FBXO22: variants seen among roughly 807,000 people sequenced by gnomAD.
The protein encoded by FBXO22 is F-box protein 22.
FBXO22 carries 13 observed loss-of-function variants against 37.2 expected under a neutral mutation model. That is an observed-to-expected ratio of 0.35 (90% CI 0.23 to 0.56). The LOEUF is 0.56. Ranked by LOEUF, FBXO22 falls within the 20% of genes least tolerant of loss-of-function variation. The pLI, the probability that FBXO22 is intolerant of heterozygous loss-of-function variation, is 0.87. For missense variants in FBXO22, 446 were observed against 509.9 expected (o/e 0.87, Z 1.21); for synonymous variants, 189 against 189.1 (o/e 1.00, Z 0.00).
rs547792168 is a variant in FBXO22, at chr15:75,932,776, G to A, written c.886G>A (p.Val296Ile). ...QSATVLLNED[V>I]SDEKTAEAAM... ...TGCCACTGTGCTCCTCAACGAGGAC[G>A]TCAGTGATGAGAAGACTGCTGAGGC... Residue 296 changes from valine to isoleucine, a missense_variant, in exon 7 of 7, where the codon GTC (valine) becomes ATC (isoleucine). Val to Ile is a conservative substitution (Grantham distance 29). This residue lies in a region of FBXO22 where 315 missense variants were observed against 410.1 expected (regional missense o/e 0.77). Coordinates refer to ENST00000308275, the MANE Select transcript of FBXO22 (RefSeq NM_147188.3). 2.0e-5 allele frequency: 32 copies of A among 1,614,244 alleles called. No individual in the cohort carries two copies. Among genetic ancestry groups the A allele is most frequent in the Non-Finnish European group, 2.6e-5 (31 of 1,180,040 alleles).
Position 75,918,589 on chromosome 15 carries a change from G to A in FBXO22, c.628+1195G>A, listed in dbSNP as rs78022571. ...TTGCAGCACTGTTCACAATAGCTAG[G>A]ATATGGAATTAACCTAAGTGTCCAT... is the stretch of plus-strand genomic sequence containing the variant. On this transcript the variant is annotated intron_variant, in intron 5 of 6. Transcript: ENST00000308275. Among the ~76,000 whole-genome samples, 377 of 152,296 alleles carry A rather than the reference G, an allele frequency of 2.5e-3. 3 individuals are homozygous for A. The highest frequency in any genetic ancestry group is 8.7e-3 in the African/African-American group (361 of 41,560).
At position 75,934,501 on chromosome 15, in the gene FBXO22, A is replaced by C. The variant is rs1349658191; in HGVS notation, c.*1399A>C. 1.3e-5 allele frequency: 2 copies of C among 152,224 alleles called. No homozygotes were observed. The highest frequency in any genetic ancestry group is 2.9e-5 in the Non-Finnish European group (2 of 68,024). 9.4% of individuals were successfully genotyped at this position (152,224 alleles called of 1,614,324 possible). A position where few individuals can be genotyped will look rare whatever the true frequency, so the allele number is the denominator to read the frequency against. Reference sequence around the variant, plus strand: ...CAAGGTAAGTAAAACCAAATGTATTAGCATTATTCCTGCTTTTCCTTTTTT... The same window carrying C: ...CAAGGTAAGTAAAACCAAATGTATTCGCATTATTCCTGCTTTTCCTTTTTT... On this transcript the variant is annotated 3_prime_UTR_variant, in exon 7 of 7. Coordinates refer to ENST00000308275, the MANE Select transcript of FBXO22 (RefSeq NM_147188.3).
chr15:75,905,455 A>C (rs888327233), intron 2 of FBXO22: 1 of 152,264 alleles, frequency 6.6e-6, no homozygotes, highest in Non-Finnish European at 1.5e-5. Flanking sequence ...TTGACAGTAA[A>C]GTGCCAACCT....
intron 3 of FBXO22, among the ~76,000 whole-genome samples, 176 bp from the exon 4 acceptor site, chr15:75,913,934 A>G (rs1012732919): frequency 6.6e-6 from 1 of 152,232 alleles, no homozygotes; most frequent in African/African-American, 2.4e-5. Flanking sequence ...TATAATTTAA[A>G]AGCCAGGACC....
chr15:75,933,882 T>A lies in FBXO22; in HGVS notation c.*780T>A, dbSNP rs1224018486. 6.2e-6 allele frequency: 1 copy of A among 160,560 alleles called. No individual in the cohort carries two copies. Among genetic ancestry groups the A allele is most frequent in the Non-Finnish European group, 1.4e-5 (1 of 72,146 alleles). 9.9% of individuals were successfully genotyped at this position (160,560 alleles called of 1,614,324 possible). On this transcript the variant is annotated 3_prime_UTR_variant, in exon 7 of 7. Transcript: ENST00000308275. ...TGGATGAACAAAGGAAGTAAACTAA[T>A]CCTTTATAAATGAAAACCCAGAATA...
At chr15:75,928,522 A>C (rs2029886265) in intron 5 of FBXO22, among the ~76,000 whole-genome samples, 1 of 152,212 alleles carries the variant, frequency 6.6e-6, no homozygotes. Flanking sequence ...TATAAGTGGG[A>C]GCTAAATGAT....
At position 75,934,536 on chromosome 15, in the gene FBXO22, A is replaced by G. The variant is rs1595921339; in HGVS notation, c.*1434A>G. On this transcript the variant is annotated 3_prime_UTR_variant, in exon 7 of 7. Coordinates refer to ENST00000308275, the MANE Select transcript of FBXO22 (RefSeq NM_147188.3). ...CTGCTTTTCCTTTTTTGTCACTTTT[A>G]TCCTTTTTTTAAAACTGAAAATATT... The G allele has an allele frequency of 3.9e-5, 6 of 152,256 alleles. No individual in the cohort carries two copies. In the South Asian group the frequency reaches 1.2e-3, roughly 32 times the overall value. The allele number at this position is 152,256 out of a possible 1,614,324, so 9.4% of individuals were successfully genotyped here. A position where few individuals can be genotyped will look rare whatever the true frequency, so the allele number is the denominator to read the frequency against.
chr15:75,923,406 AT>A (rs1900371239), intron 5 of FBXO22, among the ~76,000 whole-genome samples: 1 of 152,198 alleles, frequency 6.6e-6, no homozygotes, highest in African/African-American at 2.4e-5. Flanking sequence ...TCTTCTGGAA[AT>A]TGAAGCTTTG....
At chr15:75,916,369 G>A (rs1002976374) in intron 4 of FBXO22, among the ~76,000 whole-genome samples, 1 of 152,190 alleles carries the variant, frequency 6.6e-6, no homozygotes, top group African/African-American at 2.4e-5. Flanking sequence ...CAAGATCGGG[G>A]ATGGTCTCTC....
Position 75,932,844 on chromosome 15 carries a change from C to T in FBXO22, c.954C>T (p.Asn318=), listed in dbSNP as rs570911962. Residue 318 remains asparagine (N), a synonymous_variant, in exon 7 of 7, where the codon AAC becomes AAT. Coordinates refer to ENST00000308275, the MANE Select transcript of FBXO22 (RefSeq NM_147188.3). ...RLKAANIPEH[N]TIGFMFACVG... is the part of the protein sequence containing the mutation. ...AAGCGGCCAACATTCCAGAGCATAA[C>T]ACCATTGGCTTCATGTTTGCATGCG... is the stretch of plus-strand genomic sequence containing the variant. 1.4e-5 allele frequency: 22 copies of T among 1,614,252 alleles called. 1 individual carries two copies. The South Asian group carries it at 1.6e-4, about 12-fold the overall frequency.
At position 75,935,645 on chromosome 15, in the gene FBXO22, AGTT is replaced by A. The variant is rs1402845262; in HGVS notation, c.*2544_*2546del. The A allele has an allele frequency of 1.3e-5, 2 of 150,922 alleles. No individual in the cohort carries two copies. Among genetic ancestry groups the A allele is most frequent in the Admixed American group, 1.3e-4 (2 of 15,064 alleles). The allele number at this position is 150,922 out of a possible 1,614,324, so 9.3% of individuals were successfully genotyped here. On this transcript the variant is annotated 3_prime_UTR_variant, in exon 7 of 7. Coordinates refer to ENST00000308275, the MANE Select transcript of FBXO22 (RefSeq NM_147188.3). ...AATCTAGTAGGCCAGTTCACATTAC[AGTT>A]ATCTCAGTTTTGCTTAAAGCAAACC...
chr15:75,929,849 G>C, intron 5 of FBXO22, 35 bp from the exon 6 acceptor site: 1 of 1,610,444 alleles, frequency 6.2e-7, no homozygotes, highest in Non-Finnish European at 8.5e-7. Flanking sequence ...CTGTTTTAAG[G>C]CTGTCTTTAA....
At chr15:75,912,581 T>A (rs1697875734) in intron 2 of FBXO22, among the ~76,000 whole-genome samples, 1 of 152,266 alleles carries the variant, frequency 6.6e-6, no homozygotes, top group Non-Finnish European at 1.5e-5. Context: ...TATTCTCTGA[T>A]GGTAGTCTGT....
rs982718928 is a variant in FBXO22, at chr15:75,904,056, G to A, written c.93G>A (p.Glu31=). Residue 31 remains glutamate (E), a synonymous_variant, in exon 1 of 7, where the codon GAG becomes GAA. Coordinates refer to ENST00000308275, the MANE Select transcript of FBXO22 (RefSeq NM_147188.3). ...TGAGTAACCTGGCGGAGGTGGTGGAGCGTGTGCTCACCTTCCTGCCCGCCA... is the reference window on the plus strand; with the variant it reads ...TGAGTAACCTGGCGGAGGTGGTGGAACGTGTGCTCACCTTCCTGCCCGCCA... ...FVLSNLAEVV[E]RVLTFLPAKA... 1.3e-6 allele frequency: 2 copies of A among 1,558,822 alleles called. No homozygotes were observed. Among genetic ancestry groups the A allele is most frequent in the South Asian group, 1.2e-5 (1 of 84,606 alleles).
At position 75,938,860 on chromosome 15, in the gene FBXO22, TAAAC is replaced by T. The variant is rs758031809; in HGVS notation, c.*5762_*5765del. ...GGAAAATTCACAAACTTGTGGAAAT[TAAAC>T]AAAACACTCAACCAATGGGTCAAAG... On this transcript the variant is annotated 3_prime_UTR_variant, in exon 7 of 7. Coordinates refer to ENST00000308275, the MANE Select transcript of FBXO22 (RefSeq NM_147188.3). 2.0e-5 allele frequency: 3 copies of T among 151,954 alleles called. No homozygotes were observed. Among genetic ancestry groups the T allele is most frequent in the Admixed American group, 6.5e-5 (1 of 15,280 alleles). The allele number at this position is 151,954 out of a possible 1,614,324, so 9.4% of individuals were successfully genotyped here.
In FBXO22 at chr15:75,936,422, G is replaced by A. The variant is rs185492069; in HGVS notation, c.*3320G>A. 3 of 152,238 alleles carry A rather than the reference G, an allele frequency of 2.0e-5. No individual in the cohort carries two copies. Among genetic ancestry groups the A allele is most frequent in the Non-Finnish European group, 4.4e-5 (3 of 68,016 alleles). 9.4% of individuals were successfully genotyped at this position (152,238 alleles called of 1,614,324 possible). A position where few individuals can be genotyped will look rare whatever the true frequency, so the allele number is the denominator to read the frequency against. On this transcript the variant is annotated 3_prime_UTR_variant, in exon 7 of 7. Transcript: ENST00000308275. ...TACTTTAATATTGACCCTATATAGGGAAGAATAATCAAATATTTGCAAAAT... is the reference window on the plus strand; with the variant it reads ...TACTTTAATATTGACCCTATATAGGAAAGAATAATCAAATATTTGCAAAAT...
At chr15:75,907,471 G>A (rs532427418) in intron 2 of FBXO22, among the ~76,000 whole-genome samples, 48 of 152,250 alleles carry the variant, frequency 3.2e-4, no homozygotes, top group Non-Finnish European at 4.7e-4. Flanking sequence ...GTAGTAAACT[G>A]CTGGTGAGAC....
In FBXO22 at chr15:75,917,140, T is replaced by C; in HGVS notation, c.464-90T>C. 3.3e-6 allele frequency: 3 copies of C among 907,944 alleles called. No individual in the cohort carries two copies. The African/African-American group carries it at 5.1e-5, about 16-fold the overall frequency. The allele number at this position is 907,944 out of a possible 1,614,324, so 56.2% of individuals were successfully genotyped here. On this transcript the variant is annotated intron_variant, in intron 4 of 6. Coordinates refer to ENST00000308275, the MANE Select transcript of FBXO22 (RefSeq NM_147188.3). Reference sequence around the variant, plus strand: ...AAAAACTTTTACTCAGATAGTGGCTTGTTAGCTTAATGATTATCTTAGTGA... The same window carrying C: ...AAAAACTTTTACTCAGATAGTGGCTCGTTAGCTTAATGATTATCTTAGTGA...
intron 2 of FBXO22, 58 bp downstream of exon 2, chr15:75,904,687 G>T: frequency 1.3e-6 from 2 of 1,508,324 alleles, no homozygotes; most frequent in South Asian, 2.6e-5. Flanking sequence ...CAGTCTTTGA[G>T]AACTATTTTT....
Sources: allele counts gnomAD v4.1 joint callset (sites outside exome capture counted in the v4.1 genomes callset), GRCh38; gene constraint gnomAD v4.1.1; regional missense constraint gnomAD v4.1.1; transcripts MANE v1.5; gene names NCBI Gene and HGNC (gene_info 2026-07-23, HGNC 2026-07-21).